The following COPB2 variants were observed in gnomAD, a reference collection of about 807,000 sequenced individuals.
The protein encoded by COPB2 is coatomer subunit beta'.
Under a neutral mutation model 120.8 loss-of-function variants are expected in COPB2, and 16 were observed. The ratio of observed to expected loss-of-function variants is 0.13; its 90% CI spans 0.09 to 0.20. The LOEUF (loss-of-function observed/expected upper bound fraction) is 0.20, where lower values mean the gene tolerates loss of function less well. Ranked by LOEUF, COPB2 falls within the 10% of genes least tolerant of loss-of-function variation. The pLI is 1.00. For synonymous variants in COPB2, 332 were observed against 366.3 expected (o/e 0.91, Z 1.07); for missense variants, 794 against 1,076.5 (o/e 0.74, Z 3.67).
intron 1 of COPB2, 163 bp downstream of exon 1, chr3:139,389,385 C>T: frequency 8.8e-7 from 1 of 1,137,678 alleles, no homozygotes; most frequent in East Asian, 3.4e-5. Context: ...GGCCCCACCG[C>T]CTTCTCCCTT....
chr3:139,381,837 G>A (rs1168570850), intron 2 of COPB2: 1 of 149,804 alleles, frequency 6.7e-6, no homozygotes, highest in Non-Finnish European at 1.5e-5. Context: ...CAGAGAGAGA[G>A]GACACCAACG....
chr3:139,370,853 G>C (rs1249977690), intron 10 of COPB2, among the ~76,000 whole-genome samples: 2 of 152,196 alleles, frequency 1.3e-5, no homozygotes, highest in Non-Finnish European at 2.9e-5. Context: ...CATTACCTTT[G>C]AATACATAGA....
rs773202458 is a variant in COPB2 at position 139,383,358 on chromosome 3, C to T, written c.81G>A (p.Glu27=). ...RVKSVDLHPT[E]PWMLASLYNG... Reference sequence around the variant, plus strand: ...TGTAAAGACTTGCCAACATCCATGGCTCTGTAGGATGCAGATCCACACTCT... The same window carrying T: ...TGTAAAGACTTGCCAACATCCATGGTTCTGTAGGATGCAGATCCACACTCT... The change falls in exon 2 of 22, where the codon GAG becomes GAA. Residue 27 remains glutamate, a synonymous_variant. Transcript: ENST00000333188. 6.2e-7 allele frequency: 1 copy of T among 1,613,336 alleles called. No individual in the cohort carries two copies. The highest frequency in any genetic ancestry group is 8.5e-7 in the Non-Finnish European group (1 of 1,179,714).
Position 139,375,624 on chromosome 3 carries a change from G to C in COPB2, c.505-10C>G. ...AGCCCAACTGCCACACCTGCAGAGAGAAACAGCATCGGCCAGTCAATATGG... is the reference window on the plus strand; with the variant it reads ...AGCCCAACTGCCACACCTGCAGAGACAAACAGCATCGGCCAGTCAATATGG... On this transcript the variant is annotated splice_polypyrimidine_tract_variant and intron_variant, in intron 5 of 21. Transcript: ENST00000333188. 4.3e-6 allele frequency: 7 copies of C among 1,612,984 alleles called. No homozygotes were observed. Among genetic ancestry groups the C allele is most frequent in the Non-Finnish European group, 5.9e-6 (7 of 1,179,300 alleles).
At chr3:139,358,851 G>T in intron 19 of COPB2, 39 bp from the exon 20 acceptor site, 1 of 1,575,550 alleles carries the variant, frequency 6.3e-7, no homozygotes. Context: ...GAGATATTCT[G>T]AAATCATAAT....
chr3:139,377,656 G>C (rs1258496228), intron 5 of COPB2, among the ~76,000 whole-genome samples: 3 of 152,198 alleles, frequency 2.0e-5, no homozygotes, highest in Non-Finnish European at 2.9e-5. Flanking sequence ...GTAAGAAAGA[G>C]AGAATAGAGG....
At chr3:139,361,843 C>T (rs1214450695) in intron 16 of COPB2, among the ~76,000 whole-genome samples, 2 of 152,164 alleles carry the variant, frequency 1.3e-5, no homozygotes, top group Non-Finnish European at 2.9e-5. Context: ...ATAAAAATAT[C>T]ATTACAAAAA....
In COPB2 at chr3:139,357,457, A is replaced by G. The variant is rs754758160; in HGVS notation, c.*406T>C. ...AGCTCTAAGAAAAATGTGATTGACAACATTTGAAAATGCAGATTTAGTTAT... is the reference window on the plus strand; with the variant it reads ...AGCTCTAAGAAAAATGTGATTGACAGCATTTGAAAATGCAGATTTAGTTAT... On this transcript the variant is annotated 3_prime_UTR_variant, in exon 22 of 22. Coordinates refer to ENST00000333188, the MANE Select transcript of COPB2 (RefSeq NM_004766.3). 19 of 181,046 alleles carry G rather than the reference A, an allele frequency of 1.0e-4. No individual in the cohort carries two copies. Among genetic ancestry groups the G allele is most frequent in the African/African-American group, 1.6e-4 (7 of 42,434 alleles). 11.2% of individuals were successfully genotyped at this position (181,046 alleles called of 1,614,324 possible). A position where few individuals can be genotyped will look rare whatever the true frequency, so the allele number is the denominator to read the frequency against.
intron 20 of COPB2, chr3:139,358,516 A>C (rs1213159997): frequency 3.3e-6 from 2 of 599,058 alleles, no homozygotes; most frequent in Non-Finnish European, 5.9e-6. Flanking sequence ...GTCTCTAATA[A>C]AAATACAAAA....
At chr3:139,375,745 A>G (rs1468722179) in intron 5 of COPB2, 131 bp from the exon 6 acceptor site, 8 of 1,162,430 alleles carry the variant, frequency 6.9e-6, no homozygotes, top group Admixed American at 6.4e-5. Flanking sequence ...TTTATTTTTT[A>G]TCCTGTTTGG....
In COPB2 at chr3:139,357,674, A is replaced by C; in HGVS notation, c.*189T>G. On this transcript the variant is annotated 3_prime_UTR_variant, in exon 22 of 22. Transcript: ENST00000333188. ...GTCTGTTTTAGTTAACAAGGAAAAC[A>C]CAGTGATTTAAATGCTGCACATAAA... 2.4e-6 allele frequency: 1 copy of C among 422,896 alleles called. No individual in the cohort carries two copies. The highest frequency in any genetic ancestry group is 4.2e-6 in the Non-Finnish European group (1 of 240,672). 26.2% of individuals were successfully genotyped at this position (422,896 alleles called of 1,614,324 possible).
chr3:139,369,216 C>A, intron 12 of COPB2, 45 bp downstream of exon 12: 1 of 1,530,124 alleles, frequency 6.5e-7, no homozygotes, highest in Admixed American at 1.8e-5. Context: ...CAGAACTCAT[C>A]ACAAAAATAA....
chr3:139,359,051 C>T lies in COPB2; in HGVS notation c.2431G>A (p.Val811Met). The T allele has an allele frequency of 6.2e-7, 1 of 1,614,094 alleles. No homozygotes were observed. Among genetic ancestry groups the T allele is most frequent in the Non-Finnish European group, 8.5e-7 (1 of 1,180,012 alleles). ...LKEAFVVEEWVKETHADLWPA... is the reference protein window; with the variant it reads ...LKEAFVVEEWMKETHADLWPA... ...CACAGATCAGCATGTGTTTCCTTCA[C>T]CCATTCTTCAACAACAAAGGCTTCT... Residue 811 changes from valine to methionine, a missense_variant, in exon 19 of 22, where the codon GTG becomes ATG. Physicochemically the swap from Val to Met is conservative, Grantham distance 21. Transcript: ENST00000333188.
Position 139,373,755 on chromosome 3 carries a change from A to G in COPB2, c.805T>C (p.Tyr269His), listed in dbSNP as rs370965357. 2 of 1,613,972 alleles carry G rather than the reference A, an allele frequency of 1.2e-6. No homozygotes were observed. Among genetic ancestry groups the G allele is most frequent in the Non-Finnish European group, 1.7e-6 (2 of 1,180,002 alleles). The change falls in exon 8 of 22, where the codon TAT (tyrosine) becomes CAT (histidine). Residue 269 changes from tyrosine (Y) to histidine (H), a missense_variant. Physicochemically the swap from Tyr to His is moderately conservative, Grantham distance 83. This residue lies in a region of COPB2 where 610 missense variants were observed against 866.7 expected (regional missense o/e 0.70). Transcript: ENST00000333188. ...ACGCACCATACCCTCTCCATTCCAT[A>G]ATTCAGTGTGCTCTCAAGCCGGTAG... is the stretch of plus-strand genomic sequence containing the variant. ...STYRLESTLNYGMERVWCVAS... is the reference protein window; with the variant it reads ...STYRLESTLNHGMERVWCVAS...
chr3:139,371,626 G>A (rs984339609), intron 10 of COPB2, 97 bp downstream of exon 10: 45 of 1,003,756 alleles, frequency 4.5e-5, no homozygotes, highest in Non-Finnish European at 3.0e-6. Context: ...TTTTTAACAC[G>A]GAGAATCACA....
intron 2 of COPB2, 138 bp downstream of exon 2, chr3:139,383,160 A>G (rs1941845501): frequency 1.0e-6 from 1 of 983,706 alleles, no homozygotes; most frequent in South Asian, 1.4e-5. Context: ...GTTCCTTCAT[A>G]TTTAAAATAC....
At chr3:139,384,002 T>A (rs1941864972) in intron 1 of COPB2, among the ~76,000 whole-genome samples, 1 of 152,166 alleles carries the variant, frequency 6.6e-6, no homozygotes, top group African/African-American at 2.4e-5. Flanking sequence ...GTTGTTTTGG[T>A]TAATGTCTAC....
chr3:139,374,234 C>G (rs573329120), intron 7 of COPB2: 1 of 469,992 alleles, frequency 2.1e-6, no homozygotes, highest in African/African-American at 2.0e-5. Flanking sequence ...TTTTCAGTTT[C>G]TCTTTAGGAC....
At position 139,374,536 on chromosome 3, in the gene COPB2, G is replaced by C; in HGVS notation, c.704C>G (p.Ala235Gly). ...GATTGGCAACTCAGGATGAAAGCTG[G>C]CACAAGACACATTTTGGGCATGTCC... ...LEGHAQNVSC[A>G]SFHPELPIII... The change falls in exon 7 of 22, where the codon GCC becomes GGC. Residue 235 changes from alanine to glycine, a missense_variant. Ala to Gly is a moderately conservative substitution (Grantham distance 60, BLOSUM62 0). Transcript: ENST00000333188. The C allele has an allele frequency of 6.2e-7, 1 of 1,613,904 alleles. No individual in the cohort carries two copies. Among genetic ancestry groups the C allele is most frequent in the Non-Finnish European group, 8.5e-7 (1 of 1,179,908 alleles).
Sources: allele counts gnomAD v4.1 joint callset (sites outside exome capture counted in the v4.1 genomes callset), GRCh38; gene constraint gnomAD v4.1.1; regional missense constraint gnomAD v4.1.1; transcripts MANE v1.5; gene names NCBI Gene and HGNC (gene_info 2026-07-23, HGNC 2026-07-21).